ALOX5: variants seen among roughly 807,000 people sequenced by gnomAD.
ALOX5 encodes arachidonate 5-lipoxygenase, also known as polyunsaturated fatty acid 5-lipoxygenase.
ALOX5 carries 64 observed loss-of-function variants against 87.9 expected under a neutral mutation model. The observed-to-expected ratio is 0.73, with a 90% CI of 0.60 to 0.90. ALOX5 has a LOEUF of 0.90. Ranked by LOEUF, ALOX5 falls within the 40% of genes least tolerant of loss-of-function variation. The probability of loss-of-function intolerance (pLI) is 0.00; values close to 1 mark genes in which losing one functional copy is unlikely to be tolerated. For missense variants in ALOX5, 822 were observed against 907.5 expected (o/e 0.91, Z 1.21); for synonymous variants, 388 against 355.1 (o/e 1.09, Z -1.04).
intron 3 of ALOX5, among the ~76,000 whole-genome samples, chr10:45,410,515 G>C (rs553927795): frequency 6.6e-6 from 1 of 152,302 alleles, no homozygotes; most frequent in African/African-American, 2.4e-5. Flanking sequence ...CCCGGTCCCT[G>C]TTCACTTCTT....
chr10:45,374,449 G>C lies in ALOX5; in HGVS notation c.150+20G>C. The C allele has an allele frequency of 6.6e-7, 1 of 1,525,418 alleles. No homozygotes were observed. Among genetic ancestry groups the C allele is most frequent in the Non-Finnish European group, 8.8e-7 (1 of 1,140,322 alleles). The allele number at this position is 1,525,418 out of a possible 1,614,324, so 94.5% of individuals were successfully genotyped here. On this transcript the variant is annotated intron_variant, in intron 1 of 13. Transcript: ENST00000374391. ...GGCGCGGTGAGCGCGGGCGGGGCAC[G>C]GGTGGAGCGCGGGCTGAGGTGCGTC...
At chr10:45,375,112 G>T (rs1265800502) in intron 1 of ALOX5, among the ~76,000 whole-genome samples, 2 of 152,188 alleles carry the variant, frequency 1.3e-5, no homozygotes, top group Non-Finnish European at 2.9e-5. Context: ...TCTCAGGACA[G>T]TCCCCAGAGG....
chr10:45,375,986 T>A (rs1244391500), intron 1 of ALOX5, among the ~76,000 whole-genome samples: 1 of 152,236 alleles, frequency 6.6e-6, no homozygotes, highest in Non-Finnish European at 1.5e-5. Context: ...GGGTACAGGC[T>A]ACTTCCCCTT....
intron 7 of ALOX5, among the ~76,000 whole-genome samples, chr10:45,433,879 C>T (rs1256932625): frequency 6.6e-6 from 1 of 152,308 alleles, no homozygotes; most frequent in African/African-American, 2.4e-5. Context: ...TATCTGAGGT[C>T]TCTGTGCCAG....
At chr10:45,430,615 T>A in intron 7 of ALOX5, among the ~76,000 whole-genome samples, 1 of 151,536 alleles carries the variant, frequency 6.6e-6, no homozygotes, top group Non-Finnish European at 1.5e-5. Context: ...GAGCAACATA[T>A]CAAGACCCCG....
intron 2 of ALOX5, among the ~76,000 whole-genome samples, chr10:45,391,509 C>T (rs946951655): frequency 4.6e-5 from 7 of 152,066 alleles, no homozygotes; most frequent in African/African-American, 1.2e-4. Flanking sequence ...TCTGCCCGGC[C>T]GCCACCCCGT....
At position 45,440,577 on chromosome 10, in the gene ALOX5, G is replaced by C. The variant is rs767260151; in HGVS notation, c.1129G>C (p.Glu377Gln). The C allele has an allele frequency of 5.6e-6, 9 of 1,614,046 alleles. No individual in the cohort carries two copies. The highest frequency in any genetic ancestry group is 7.6e-6 in the Non-Finnish European group (9 of 1,180,050). Reference sequence around the variant, plus strand: ...CCTTCTGCGAACACATCTGGTGTCTGAGGTTTTTGGCATTGCAATGTACCG... The same window carrying C: ...CCTTCTGCGAACACATCTGGTGTCTCAGGTTTTTGGCATTGCAATGTACCG... ...THLLRTHLVSEVFGIAMYRQL... is the reference protein window; with the variant it reads ...THLLRTHLVSQVFGIAMYRQL... The change falls in exon 8 of 14, where the codon GAG (glutamate) becomes CAG (glutamine). Residue 377 changes from glutamate (E) to glutamine (Q), a missense_variant. Glu to Gln is a conservative substitution (Grantham distance 29, BLOSUM62 2). Transcript: ENST00000374391.
chr10:45,393,352 C>T (rs535572370), intron 2 of ALOX5, among the ~76,000 whole-genome samples: 1 of 152,138 alleles, frequency 6.6e-6, no homozygotes, highest in African/African-American at 2.4e-5. Context: ...AAGACAAAAA[C>T]CACATGATTA....
At chr10:45,418,171 G>C (rs909594166) in intron 4 of ALOX5, among the ~76,000 whole-genome samples, 1 of 152,172 alleles carries the variant, frequency 6.6e-6, no homozygotes, top group East Asian at 1.9e-4. Context: ...GTTCTGCGGG[G>C]GAGAGAAGAG....
At chr10:45,379,351 C>T (rs1292973928) in intron 1 of ALOX5, among the ~76,000 whole-genome samples, 1 of 152,204 alleles carries the variant, frequency 6.6e-6, no homozygotes, top group Non-Finnish European at 1.5e-5. Context: ...TCAGACCAGG[C>T]CCGGGCCTCT....
At position 45,443,726 on chromosome 10, in the gene ALOX5, A is replaced by G; in HGVS notation, c.1574-2A>G. The G allele has an allele frequency of 1.9e-6, 3 of 1,611,130 alleles. No homozygotes were observed. Among genetic ancestry groups the G allele is most frequent in the Non-Finnish European group, 2.5e-6 (3 of 1,178,978 alleles). The stretch of plus-strand genomic sequence containing the variant: ...CTCAGCCCGCCGGTGGTTCCACCCT[A>G]GGCTTCCCCAAGTCGGTCAAGAGCC... On this transcript the variant is annotated splice_acceptor_variant, in intron 11 of 13. Coordinates refer to ENST00000374391, the MANE Select transcript of ALOX5 (RefSeq NM_000698.5). LOFTEE classifies it high-confidence loss of function.
chr10:45,434,177 T>C (rs1344318844), intron 7 of ALOX5, among the ~76,000 whole-genome samples: 1 of 152,194 alleles, frequency 6.6e-6, no homozygotes, highest in East Asian at 1.9e-4. Flanking sequence ...CTGCCCCGTC[T>C]CAATTGGAGG....
chr10:45,379,759 A>ACCT (rs1839763356), intron 1 of ALOX5, among the ~76,000 whole-genome samples: 1 of 152,120 alleles, frequency 6.6e-6, no homozygotes. Context: ...CCTGCAAGTG[A>ACCT]GGGGTATCTC....
chr10:45,388,246 T>C (rs1364429992), intron 2 of ALOX5, among the ~76,000 whole-genome samples: 3 of 152,176 alleles, frequency 2.0e-5, no homozygotes, highest in Non-Finnish European at 4.4e-5. Context: ...CCAGCCTCTG[T>C]AGACTCCACC....
chr10:45,414,643 G>A (rs1464211753), intron 4 of ALOX5, among the ~76,000 whole-genome samples: 6 of 152,074 alleles, frequency 3.9e-5, no homozygotes, highest in Non-Finnish European at 8.8e-5. Context: ...CCATCAGAGT[G>A]AACAGGCAAC....
chr10:45,393,108 C>T (rs991824571), intron 2 of ALOX5, among the ~76,000 whole-genome samples: 14 of 152,186 alleles, frequency 9.2e-5, no homozygotes, highest in African/African-American at 2.9e-4. Context: ...TTTTATGAGG[C>T]CAGCATCATC....
At chr10:45,412,760 C>G (rs1356807697) in intron 4 of ALOX5, among the ~76,000 whole-genome samples, 1 of 152,220 alleles carries the variant, frequency 6.6e-6, no homozygotes. Flanking sequence ...CCACAGTCAT[C>G]ATCCCCATTT....
At chr10:45,415,226 A>G (rs888682671) in intron 4 of ALOX5, among the ~76,000 whole-genome samples, 1 of 152,270 alleles carries the variant, frequency 6.6e-6, no homozygotes, top group Non-Finnish European at 1.5e-5. Context: ...AAAATGTGGC[A>G]CATATGCACT....
In ALOX5 at chr10:45,396,115, CAA is replaced by C. The variant is rs9282587; in HGVS notation, c.431+180_431+181del. 2.0e-4 allele frequency among the ~76,000 whole-genome samples: 30 copies of C among 152,270 alleles called. 1 individual carries two copies. The East Asian group carries it at 5.6e-3, about 28-fold the overall frequency. On this transcript the variant is annotated intron_variant, in intron 3 of 13. Transcript: ENST00000374391. ...ACTTCACCTTACCTACAACTCCAGA[CAA>C]GAGATGGAGAGGAGAGTAATGAAAA... is the stretch of plus-strand genomic sequence containing the variant.
Sources: gnomAD v4.1 joint callset for allele counts (sites outside exome capture counted in the v4.1 genomes callset) on GRCh38, gnomAD v4.1.1 for gene constraint, MANE v1.5 for transcripts, NCBI Gene and HGNC (gene_info 2026-07-23, HGNC 2026-07-21) for gene names.